The following RIMS3 variants were observed in gnomAD, a reference collection of about 807,000 sequenced individuals.
RIMS3 encodes the protein regulating synaptic membrane exocytosis 3, also known as regulating synaptic membrane exocytosis protein 3.
A neutral mutation model predicts 29.2 loss-of-function variants in RIMS3; 15 were observed. The observed-to-expected ratio is 0.51, with a 90% CI of 0.34 to 0.79. RIMS3 has a LOEUF of 0.79. RIMS3 is among the 30% of genes least tolerant of loss of function. RIMS3 has a pLI of 0.01. For synonymous variants in RIMS3, 161 were observed against 170.1 expected, an observed-to-expected ratio of 0.95 and a Z score of 0.41; for missense variants, 342 against 421.4, an observed-to-expected ratio of 0.81 and a Z score of 1.65.
chr1:40,642,012 C>T (rs1346227980), intron 2 of RIMS3, 56 bp from the exon 3 acceptor site: 4 of 1,112,052 alleles, frequency 3.6e-6, no homozygotes, highest in East Asian at 5.1e-5. Context: ...GAATCTACTG[C>T]AGTCCCACCA....
chr1:40,657,800 G>A (rs1388888320), intron 1 of RIMS3, among the ~76,000 whole-genome samples: 1 of 149,912 alleles, frequency 6.7e-6, no homozygotes, highest in African/African-American at 2.5e-5. Context: ...TGCACCTGTA[G>A]TCCCAACTTC....
At chr1:40,660,013 T>A (rs1642329021) in intron 1 of RIMS3, among the ~76,000 whole-genome samples, 1 of 152,060 alleles carries the variant, frequency 6.6e-6, no homozygotes, top group African/African-American at 2.4e-5. Context: ...CAAGAACAAA[T>A]GTCAGGAGAC....
upstream of RIMS3, among the ~76,000 whole-genome samples, chr1:40,666,553 T>C (rs518312): frequency 0.12 from 18,944 of 152,204 alleles, 1,294 homozygotes; most frequent in African/African-American, 0.15. Context: ...GGATACTGTA[T>C]GAAGTCTTTC....
chr1:40,670,693 ATTC>A, the RIMS3 span, among the ~76,000 whole-genome samples: 5 of 147,486 alleles, frequency 3.4e-5, no homozygotes, highest in South Asian at 2.1e-4. Context: ...GGTTGAAGCA[ATTC>A]TTCTGCCTCA....
At chr1:40,660,147 G>C (rs574166365) in intron 1 of RIMS3, among the ~76,000 whole-genome samples, 1 of 152,152 alleles carries the variant, frequency 6.6e-6, no homozygotes, top group Non-Finnish European at 1.5e-5. Flanking sequence ...GCTTGCTGAG[G>C]ACTGGTTATA....
At chr1:40,650,863 CAAAAAAAAAAAAAAAA>C (rs58578342) in intron 1 of RIMS3, among the ~76,000 whole-genome samples, 1 of 64,554 alleles carries the variant, frequency 1.5e-5, no homozygotes, top group African/African-American at 7.6e-5. Flanking sequence ...CAGACTCTGT[CAAAAAAAAAAAAAAAA>C]AAAAAAAAAA....
At chr1:40,680,663 CAT>C in the RIMS3 span, among the ~76,000 whole-genome samples, 3 of 152,232 alleles carry the variant, frequency 2.0e-5, no homozygotes, top group East Asian at 3.9e-4. Flanking sequence ...AGCCAGTACA[CAT>C]GTCTATGTGT....
the RIMS3 span, chr1:40,691,735 C>G: frequency 2.2e-6 from 1 of 455,322 alleles, no homozygotes; most frequent in South Asian, 1.6e-5. Flanking sequence ...TTGCTTGTGC[C>G]CCCGCTTCGC....
intron 1 of RIMS3, among the ~76,000 whole-genome samples, chr1:40,649,742 T>C (rs1305257222): frequency 6.6e-6 from 1 of 152,162 alleles, no homozygotes; most frequent in East Asian, 1.9e-4. Context: ...GCTGTCACCA[T>C]GGCTACCAGG....
rs1253873285 is a variant in RIMS3 at position 40,641,792 on chromosome 1, C to T, written c.134G>A (p.Arg45Gln). 2 of 1,612,726 alleles carry T rather than the reference C, an allele frequency of 1.2e-6. No homozygotes were observed. Among genetic ancestry groups the T allele is most frequent in the Non-Finnish European group, 1.7e-6 (2 of 1,178,920 alleles). Reference sequence around the variant, plus strand: ...CATCTTGGCACCCAGGCTGCTCCGCCGCTTCTTGGCGGTGGTGGTCCCAGC... The same window carrying T: ...CATCTTGGCACCCAGGCTGCTCCGCTGCTTCTTGGCGGTGGTGGTCCCAGC... ...GGAGTTTAKK[R>Q]RSSLGAKMVA... Residue 45 changes from arginine to glutamine, a missense_variant, in exon 3 of 8, where the codon CGG (arginine) becomes CAG (glutamine). Coordinates refer to ENST00000372684, the MANE Select transcript of RIMS3 (RefSeq NM_014747.3).
chr1:40,659,019 C>T (rs546790667), intron 1 of RIMS3, among the ~76,000 whole-genome samples: 1 of 152,100 alleles, frequency 6.6e-6, no homozygotes. Flanking sequence ...TGGGAGACAG[C>T]GAGTAAGAGA....
intron 1 of RIMS3, among the ~76,000 whole-genome samples, chr1:40,653,868 G>A (rs1439200606): frequency 6.6e-6 from 1 of 152,148 alleles, no homozygotes; most frequent in Non-Finnish European, 1.5e-5. Context: ...TGAGGACTGT[G>A]CCAGGCAAAC....
In RIMS3 at chr1:40,626,721, G is replaced by C. The variant is rs140313538; in HGVS notation, c.723C>G (p.Val241=). Residue 241 remains valine, a synonymous_variant, in exon 8 of 8, where the codon GTC becomes GTG. Transcript: ENST00000372684. Reference sequence around the variant, plus strand: ...GGTCCATGCGGCCATAGTCTCCCCAGACGATCACCTGCCAGGAGGAAGAGA... The same window carrying C: ...GGTCCATGCGGCCATAGTCTCCCCACACGATCACCTGCCAGGAGGAAGAGA... ...GPQGKVLQVI[V]WGDYGRMDHK... 15 of 1,613,944 alleles carry C rather than the reference G, an allele frequency of 9.3e-6. No individual in the cohort carries two copies. In the African/African-American group the frequency reaches 1.5e-4, roughly 16 times the overall value.
In RIMS3 at chr1:40,636,281, G is replaced by A. The variant is rs1646519267; in HGVS notation, c.218-224C>T. Among the ~76,000 whole-genome samples, 5 of 152,204 alleles carry A rather than the reference G, an allele frequency of 3.3e-5. No homozygotes were observed. Among genetic ancestry groups the A allele is most frequent in the Admixed American group, 3.3e-4 (5 of 15,288 alleles). Reference sequence around the variant, plus strand: ...GCAGTGACACTGACAGAGCAGACTAGAAAGATGGCTGCAGGCAGAGTCATG... The same window carrying A: ...GCAGTGACACTGACAGAGCAGACTAAAAAGATGGCTGCAGGCAGAGTCATG... On this transcript the variant is annotated intron_variant, in intron 3 of 7. Transcript: ENST00000372684. This position sits in a 1 kb window ranked among gnomAD's most constrained non-coding sequence, Gnocchi z 4.2.
At chr1:40,690,954 T>A in the RIMS3 span, 1 of 152,250 alleles carries the variant, frequency 6.6e-6, no homozygotes, top group Non-Finnish European at 1.5e-5. Flanking sequence ...GTTTTGACAC[T>A]TACTAGCTGT....
chr1:40,680,243 T>C, the RIMS3 span, among the ~76,000 whole-genome samples: 12 of 151,720 alleles, frequency 7.9e-5, no homozygotes, highest in Non-Finnish European at 1.6e-4. Flanking sequence ...CATGGAAAAC[T>C]CTGGAAGAGA....
At chr1:40,680,583 C>A in the RIMS3 span, among the ~76,000 whole-genome samples, 2 of 152,126 alleles carry the variant, frequency 1.3e-5, no homozygotes, top group African/African-American at 4.8e-5. Context: ...CTGCCCGCCT[C>A]GGCCTCCTAA....
chr1:40,633,205 C>T (rs577155163), intron 4 of RIMS3, 24 bp from the exon 5 acceptor site: 17 of 1,590,038 alleles, frequency 1.1e-5, no homozygotes, highest in East Asian at 2.2e-5. Context: ...CAGAGGGACG[C>T]GTGAGGGGGT....
the RIMS3 span, among the ~76,000 whole-genome samples, chr1:40,675,276 G>GA: frequency 0.13 from 17,627 of 140,348 alleles, 1,126 homozygotes; most frequent in African/African-American, 0.15. Flanking sequence ...CCTGTCTCAG[G>GA]AAAAAAAAAA....
Sources: allele counts gnomAD v4.1 joint callset (sites outside exome capture counted in the v4.1 genomes callset), GRCh38; gene constraint gnomAD v4.1.1; non-coding constraint Gnocchi (gnomAD v3.1); transcripts MANE v1.5; gene names NCBI Gene and HGNC (gene_info 2026-07-23, HGNC 2026-07-21).